Variants in OR1J2 observed in about 807,000 individuals in gnomAD.
The protein encoded by OR1J2 is olfactory receptor family 1 subfamily J member 2.
For missense variants in OR1J2, 304 were observed against 246.1 expected, an observed-to-expected ratio of 1.24 and a Z score of -1.57; for synonymous variants, 142 against 99.7, an observed-to-expected ratio of 1.42 and a Z score of -2.52.
the OR1J2 span, among the ~76,000 whole-genome samples, chr9:122,520,789 G>C: frequency 1.3e-5 from 2 of 152,076 alleles, no homozygotes; most frequent in Non-Finnish European, 1.5e-5. Context: ...CAGTGTCTTC[G>C]TTGTCTTTCT....
chr9:122,510,694 T>C (rs1828614613), upstream of OR1J2: 10 of 700,796 alleles, frequency 1.4e-5, no homozygotes, highest in Non-Finnish European at 9.7e-6. Flanking sequence ...TTCCTCTCCC[T>C]GTGTCTATGT....
chr9:122,538,462 A>ATT, the OR1J2 span, among the ~76,000 whole-genome samples: 1 of 151,910 alleles, frequency 6.6e-6, no homozygotes, highest in Non-Finnish European at 1.5e-5. Flanking sequence ...GATGCAACTG[A>ATT]TTTTTTGTGC....
the OR1J2 span, among the ~76,000 whole-genome samples, chr9:122,479,847 A>C: frequency 6.6e-6 from 1 of 152,232 alleles, no homozygotes; most frequent in African/African-American, 2.4e-5. Flanking sequence ...TGATCAAATA[A>C]AATGTTAGAG....
the OR1J2 span, among the ~76,000 whole-genome samples, chr9:122,479,818 A>G: frequency 1.3e-5 from 2 of 152,212 alleles, no homozygotes; most frequent in East Asian, 1.9e-4. Context: ...CAACTAATGC[A>G]TACTCTATAT....
chr9:122,533,746 G>A, the OR1J2 span, among the ~76,000 whole-genome samples: 2 of 152,164 alleles, frequency 1.3e-5, no homozygotes, highest in Non-Finnish European at 2.9e-5. Context: ...ACAGAGGCAA[G>A]GGAAACAGGC....
At chr9:122,526,545 T>C in the OR1J2 span, 6 of 1,611,262 alleles carry the variant, frequency 3.7e-6, no homozygotes, top group Non-Finnish European at 5.1e-6. Flanking sequence ...GAGGGTCCCA[T>C]AGAACACACA....
the OR1J2 span, among the ~76,000 whole-genome samples, chr9:122,570,350 C>T: frequency 2.0e-5 from 3 of 152,190 alleles, no homozygotes; most frequent in African/African-American, 7.2e-5. Context: ...TGTGAAACAA[C>T]TTCTTTACAG....
chr9:122,477,234 G>GGT, the OR1J2 span: 2 of 1,613,752 alleles, frequency 1.2e-6, no homozygotes, highest in East Asian at 2.2e-5. Context: ...ATATGCCCTT[G>GGT]GTAGAGGGAA....
At chr9:122,576,682 T>G in the OR1J2 span, 2 of 152,260 alleles carry the variant, frequency 1.3e-5, no homozygotes, top group South Asian at 4.1e-4. Context: ...TTTCTATGAC[T>G]GGTTCCCCCT....
At chr9:122,480,606 T>C in the OR1J2 span, among the ~76,000 whole-genome samples, 1 of 151,978 alleles carries the variant, frequency 6.6e-6, no homozygotes, top group African/African-American at 2.4e-5. Flanking sequence ...AAACAAATTT[T>C]ATTAGAAAGA....
chr9:122,553,581 G>A, the OR1J2 span: 2 of 1,614,044 alleles, frequency 1.2e-6, no homozygotes, highest in East Asian at 4.5e-5. Context: ...GATGGCATAT[G>A]ACCGCTATGT....
At chr9:122,537,614 TG>T in the OR1J2 span, among the ~76,000 whole-genome samples, 1 of 152,182 alleles carries the variant, frequency 6.6e-6, no homozygotes, top group Non-Finnish European at 1.5e-5. Context: ...GCATCAAATC[TG>T]TAGATTGCTT....
At chr9:122,578,157 G>A in the OR1J2 span, among the ~76,000 whole-genome samples, 1 of 152,280 alleles carries the variant, frequency 6.6e-6, no homozygotes, top group African/African-American at 2.4e-5. Context: ...AGGAAAAGAA[G>A]TCATTATACA....
chr9:122,510,639 T>C (rs1828613394), upstream of OR1J2, among the ~76,000 whole-genome samples: 1 of 152,156 alleles, frequency 6.6e-6, no homozygotes, highest in Admixed American at 6.5e-5. Flanking sequence ...TTTTTTCTGA[T>C]GCTCTTCCTC....
At chr9:122,505,765 T>A in the OR1J2 span, among the ~76,000 whole-genome samples, 1 of 152,322 alleles carries the variant, frequency 6.6e-6, no homozygotes, top group African/African-American at 2.4e-5. Context: ...CCTGAAGCTT[T>A]TCAATTTTGA....
At chr9:122,469,353 T>TCGTTTTATCGCAG in the OR1J2 span, among the ~76,000 whole-genome samples, 1 of 152,220 alleles carries the variant, frequency 6.6e-6, no homozygotes, top group Non-Finnish European at 1.5e-5. Flanking sequence ...ATGAGATCTG[T>TCGTTTTATCGCAG]CGTTTTATCA....
chr9:122,492,968 A>C, the OR1J2 span, among the ~76,000 whole-genome samples: 4 of 152,270 alleles, frequency 2.6e-5, no homozygotes, highest in South Asian at 8.3e-4. Context: ...TGAGATCATC[A>C]TGTGAGTTTT....
At chr9:122,557,925 A>G in the OR1J2 span, among the ~76,000 whole-genome samples, 1 of 151,896 alleles carries the variant, frequency 6.6e-6, no homozygotes, top group East Asian at 1.9e-4. Context: ...TTCTTCTTGT[A>G]TGGGTTTTAG....
chr9:122,533,450 A>T, the OR1J2 span, among the ~76,000 whole-genome samples: 1 of 152,062 alleles, frequency 6.6e-6, no homozygotes, highest in African/African-American at 2.4e-5. Flanking sequence ...TCGGTTGCTA[A>T]GGAGGGAGTA....
Sources: gnomAD v4.1 joint callset for allele counts (sites outside exome capture counted in the v4.1 genomes callset) on GRCh38, gnomAD v4.1.1 for gene constraint, MANE v1.5 for transcripts, NCBI Gene and HGNC (gene_info 2026-07-23, HGNC 2026-07-21) for gene names.